Variants in MATCAP2 observed in about 807,000 individuals in gnomAD.
MATCAP2 encodes the protein putative tyrosine carboxypeptidase MATCAP2.
chr7:36,374,415 T>C, the MATCAP2 span, among the ~76,000 whole-genome samples: 1 of 152,140 alleles, frequency 6.6e-6, no homozygotes, highest in Non-Finnish European at 1.5e-5. Context: ...TGACATGACA[T>C]GATTTATGTT....
At chr7:36,335,103 TAGTC>T in the MATCAP2 span, 2 of 1,614,016 alleles carry the variant, frequency 1.2e-6, no homozygotes, top group South Asian at 1.1e-5. Flanking sequence ...GACACATTGA[TAGTC>T]AGAGTCGGAC....
the MATCAP2 span, among the ~76,000 whole-genome samples, chr7:36,343,179 T>C: frequency 6.6e-6 from 1 of 150,410 alleles, no homozygotes; most frequent in Non-Finnish European, 1.5e-5. Flanking sequence ...TACAAATTAA[T>C]AAAACCAATA....
chr7:36,360,239 G>A, the MATCAP2 span, among the ~76,000 whole-genome samples: 180 of 152,074 alleles, frequency 1.2e-3, no homozygotes, highest in African/African-American at 4.2e-3. Context: ...GTTTTTTGTC[G>A]TAAAGCATCA....
chr7:36,380,953 G>T, the MATCAP2 span, among the ~76,000 whole-genome samples: 2 of 152,014 alleles, frequency 1.3e-5, no homozygotes, highest in Admixed American at 6.6e-5. Context: ...CTGGTGGTTT[G>T]GTTTTGTTTT....
the MATCAP2 span, among the ~76,000 whole-genome samples, chr7:36,370,535 A>G: frequency 1.3e-5 from 2 of 152,054 alleles, no homozygotes; most frequent in Non-Finnish European, 2.9e-5. Context: ...AGGCTGGAGT[A>G]CAGTGGCGCA....
At chr7:36,344,344 A>G in the MATCAP2 span, among the ~76,000 whole-genome samples, 1 of 152,244 alleles carries the variant, frequency 6.6e-6, no homozygotes, top group Non-Finnish European at 1.5e-5. Context: ...GACATAAAAA[A>G]TGTTGATGGT....
the MATCAP2 span, among the ~76,000 whole-genome samples, chr7:36,384,770 G>A: frequency 6.6e-6 from 1 of 151,926 alleles, no homozygotes; most frequent in Non-Finnish European, 1.5e-5. Flanking sequence ...TCTAGAGGAA[G>A]AGTGTCCAGG....
the MATCAP2 span, chr7:36,367,380 C>A: frequency 1.0e-6 from 1 of 982,452 alleles, no homozygotes; most frequent in Non-Finnish European, 1.2e-6. Flanking sequence ...CCAGTGCCTC[C>A]GGGGCTTGTG....
the MATCAP2 span, among the ~76,000 whole-genome samples, chr7:36,366,106 G>A: frequency 6.6e-6 from 1 of 152,120 alleles, no homozygotes; most frequent in Non-Finnish European, 1.5e-5. Context: ...GTAAAATTCC[G>A]GCTTTATTTT....
At chr7:36,367,215 A>G in the MATCAP2 span, 13 of 1,158,776 alleles carry the variant, frequency 1.1e-5, no homozygotes, top group Non-Finnish European at 1.3e-5. Flanking sequence ...ACCGTGACGT[A>G]GCCGCTCCGC....
the MATCAP2 span, among the ~76,000 whole-genome samples, chr7:36,363,071 G>C: frequency 6.6e-6 from 1 of 152,016 alleles, no homozygotes; most frequent in South Asian, 2.1e-4. Context: ...GGAAAGAAAG[G>C]GTAAAAGACT....
the MATCAP2 span, among the ~76,000 whole-genome samples, chr7:36,329,459 T>C: frequency 6.6e-6 from 1 of 152,116 alleles, no homozygotes; most frequent in Admixed American, 6.5e-5. Context: ...GTTTTTAAAA[T>C]ACCAATTAAA....
chr7:36,357,260 C>T, the MATCAP2 span: 59 of 1,613,956 alleles, frequency 3.7e-5, no homozygotes, highest in Admixed American at 3.2e-4. Context: ...AACAGCAGGC[C>T]GCCTCTCCAG....
the MATCAP2 span, among the ~76,000 whole-genome samples, chr7:36,353,969 G>A: frequency 6.6e-6 from 1 of 152,142 alleles, no homozygotes; most frequent in East Asian, 1.9e-4. Context: ...CCACTGGTGA[G>A]GATGCACCTG....
the MATCAP2 span, among the ~76,000 whole-genome samples, chr7:36,384,671 C>T: frequency 0.42 from 63,540 of 151,938 alleles, 13,880 homozygotes; most frequent in African/African-American, 0.52. Flanking sequence ...GCAGAGAAGA[C>T]GGGGGTGGCC....
the MATCAP2 span, among the ~76,000 whole-genome samples, chr7:36,347,519 G>C: frequency 1.1e-3 from 172 of 152,290 alleles, 3 homozygotes; most frequent in Middle Eastern, 0.031. Flanking sequence ...CTGACTGTGT[G>C]CTCTTAGGTT....
At chr7:36,332,328 T>C in the MATCAP2 span, among the ~76,000 whole-genome samples, 1 of 152,194 alleles carries the variant, frequency 6.6e-6, no homozygotes, top group East Asian at 1.9e-4. Flanking sequence ...TTAACAGTCA[T>C]TTTGAATTTC....
the MATCAP2 span, chr7:36,325,338 T>G: frequency 1.3e-5 from 2 of 152,262 alleles, no homozygotes; most frequent in Non-Finnish European, 1.5e-5. Context: ...GCAAGAACCT[T>G]TGGGCACCAG....
chr7:36,333,179 G>A, the MATCAP2 span, among the ~76,000 whole-genome samples: 1 of 152,150 alleles, frequency 6.6e-6, no homozygotes, highest in Admixed American at 6.5e-5. Context: ...CTGCCTCACA[G>A]CAATAAAATG....
Sources: allele counts gnomAD v4.1 joint callset (sites outside exome capture counted in the v4.1 genomes callset), GRCh38; gene constraint gnomAD v4.1.1; transcripts MANE v1.5; gene names NCBI Gene and HGNC (gene_info 2026-07-23, HGNC 2026-07-21).